Variants in DNER observed in about 807,000 individuals in gnomAD.
DNER encodes the protein delta/notch like EGF repeat containing.
Under a neutral mutation model 78.2 loss-of-function variants are expected in DNER, and 33 were observed. The observed-to-expected ratio is 0.42, with a 90% CI of 0.32 to 0.56. The LOEUF (loss-of-function observed/expected upper bound fraction) is 0.56, where lower values mean the gene tolerates loss of function less well. Ranked by LOEUF, DNER falls within the 20% of genes least tolerant of loss-of-function variation. DNER has a pLI of 0.11. For missense variants in DNER, 918 were observed against 975.3 expected, an observed-to-expected ratio of 0.94 and a Z score of 0.78; for synonymous variants, 417 against 384.8, an observed-to-expected ratio of 1.08 and a Z score of -0.98.
At chr2:229,601,713 C>A (rs1306586382) in intron 1 of DNER, among the ~76,000 whole-genome samples, 1 of 152,120 alleles carries the variant, frequency 6.6e-6, no homozygotes, top group East Asian at 1.9e-4. Flanking sequence ...TAAACTCTTA[C>A]ATATTGTTTC....
At chr2:229,503,191 T>A (rs1215707663) in intron 6 of DNER, among the ~76,000 whole-genome samples, 3 of 152,216 alleles carry the variant, frequency 2.0e-5, no homozygotes, top group African/African-American at 7.2e-5. Flanking sequence ...GGGTAGGTTA[T>A]GCTTTGACCC....
chr2:229,684,306 G>A (rs768578733), intron 1 of DNER, among the ~76,000 whole-genome samples: 12 of 151,644 alleles, frequency 7.9e-5, no homozygotes, highest in Non-Finnish European at 1.6e-4. Context: ...TTGATGATAG[G>A]AGGAGCTAGG....
intron 4 of DNER, among the ~76,000 whole-genome samples, chr2:229,585,380 G>T (rs1559174042): frequency 6.6e-6 from 1 of 152,128 alleles, no homozygotes; most frequent in Non-Finnish European, 1.5e-5. Context: ...TTATGTTAGG[G>T]CCAGGCTCAG....
At chr2:229,447,642 A>C in intron 7 of DNER, 102 bp from the exon 8 acceptor site, 1 of 1,244,230 alleles carries the variant, frequency 8.0e-7, no homozygotes, top group Non-Finnish European at 1.1e-6. Context: ...CAATTAATTC[A>C]TTCACAGCTT....
chr2:229,364,846 T>C (rs868729151), intron 12 of DNER, among the ~76,000 whole-genome samples: 54 of 58,696 alleles, frequency 9.2e-4, no homozygotes, highest in Middle Eastern at 0.023. Flanking sequence ...CTCTCTCTCT[T>C]TTTTTTTTTT....
At chr2:229,570,351 G>T (rs1559170147) in intron 4 of DNER, among the ~76,000 whole-genome samples, 2 of 152,158 alleles carry the variant, frequency 1.3e-5, no homozygotes, top group Admixed American at 6.5e-5. Context: ...TTAGAAAGTG[G>T]GCCAGGTGTG....
At chr2:229,489,117 C>T (rs1204821430) in intron 6 of DNER, among the ~76,000 whole-genome samples, 11 of 152,196 alleles carry the variant, frequency 7.2e-5, no homozygotes, top group African/African-American at 2.4e-4. Context: ...TCTGGCCTCC[C>T]GGCCCAGCTG....
intron 1 of DNER, among the ~76,000 whole-genome samples, chr2:229,630,228 C>A (rs943113469): frequency 6.6e-6 from 1 of 152,098 alleles, no homozygotes; most frequent in Admixed American, 6.5e-5. Flanking sequence ...GTAATCCCAG[C>A]ACTTTGGGAG....
chr2:229,698,793 C>T (rs1278323702), intron 1 of DNER, among the ~76,000 whole-genome samples: 1 of 152,108 alleles, frequency 6.6e-6, no homozygotes, highest in African/African-American at 2.4e-5. Context: ...CATAGAAATG[C>T]TAATATTAGT....
chr2:229,444,178 AGGAAAGT>A (rs1040460968), intron 8 of DNER, among the ~76,000 whole-genome samples: 1 of 152,248 alleles, frequency 6.6e-6, no homozygotes, highest in Non-Finnish European at 1.5e-5. Flanking sequence ...AATAGACGGA[AGGAAAGT>A]GGAAATTAAA....
chr2:229,614,035 G>A (rs1282639842), intron 1 of DNER, among the ~76,000 whole-genome samples: 4 of 151,314 alleles, frequency 2.6e-5, no homozygotes, highest in Admixed American at 2.0e-4. Flanking sequence ...GTGGGGTGGG[G>A]GGGAGCGGGG....
At chr2:229,435,300 G>C (rs1051568874) in intron 8 of DNER, among the ~76,000 whole-genome samples, 4 of 152,170 alleles carry the variant, frequency 2.6e-5, no homozygotes, top group Admixed American at 2.6e-4. Context: ...GGGTCATCCA[G>C]GACCCGGCAG....
intron 6 of DNER, among the ~76,000 whole-genome samples, chr2:229,492,432 C>T (rs934568541): frequency 1.3e-5 from 2 of 152,172 alleles, no homozygotes; most frequent in East Asian, 1.9e-4. Context: ...ATGCCCATAC[C>T]TTCCACTCTA....
intron 7 of DNER, among the ~76,000 whole-genome samples, chr2:229,470,282 A>G (rs964446946): frequency 1.3e-5 from 2 of 152,124 alleles, no homozygotes; most frequent in Admixed American, 6.5e-5. Context: ...TCATTCATCA[A>G]ACTGTAACTT....
At chr2:229,657,021 A>G (rs967064450) in intron 1 of DNER, among the ~76,000 whole-genome samples, 10 of 83,500 alleles carry the variant, frequency 1.2e-4, no homozygotes, top group African/African-American at 5.2e-4. Flanking sequence ...TGGTGAGAAC[A>G]TGCCAAGATC....
chr2:229,390,818 A>C (rs914857187), intron 10 of DNER, among the ~76,000 whole-genome samples: 1 of 152,250 alleles, frequency 6.6e-6, no homozygotes, highest in African/African-American at 2.4e-5. Flanking sequence ...GGAGTGATGC[A>C]CAGTTCTCAG....
At position 229,523,394 on chromosome 2, in the gene DNER, G is replaced by A. The variant is rs145689620; in HGVS notation, c.994-10458C>T. Among the ~76,000 whole-genome samples, 87 of 152,278 alleles carry A rather than the reference G, an allele frequency of 5.7e-4. 2 individuals carry two copies. In the East Asian group the frequency reaches 0.015, roughly 26 times the overall value. On this transcript the variant is annotated intron_variant, in intron 5 of 12. Coordinates refer to ENST00000341772, the MANE Select transcript of DNER (RefSeq NM_139072.4). Reference sequence around the variant, plus strand: ...TTACACAGCCTGAGACGACAGTGTCGGCAGAGCTGGTTTCTCCTGAGGCCT... The same window carrying A: ...TTACACAGCCTGAGACGACAGTGTCAGCAGAGCTGGTTTCTCCTGAGGCCT...
chr2:229,664,554 G>A (rs1031378513), intron 1 of DNER, among the ~76,000 whole-genome samples: 9 of 152,166 alleles, frequency 5.9e-5, no homozygotes, highest in African/African-American at 2.2e-4. Context: ...GATGTTGGCA[G>A]ATAAGACTTC....
chr2:229,673,004 A>G (rs1247405180), intron 1 of DNER, among the ~76,000 whole-genome samples: 2 of 152,206 alleles, frequency 1.3e-5, no homozygotes, highest in African/African-American at 4.8e-5. Flanking sequence ...CAGGAAGCAC[A>G]TGTTCCAGGA....
Sources: allele counts gnomAD v4.1 joint callset (sites outside exome capture counted in the v4.1 genomes callset), GRCh38; gene constraint gnomAD v4.1.1; transcripts MANE v1.5; gene names NCBI Gene and HGNC (gene_info 2026-07-23, HGNC 2026-07-21).